Variants in ECPAS observed in about 807,000 individuals in gnomAD.
ECPAS encodes the protein proteasome adapter and scaffold protein ECM29.
A neutral mutation model predicts 255.1 loss-of-function variants in ECPAS; 70 were observed. That is an observed-to-expected ratio of 0.27 (90% confidence interval 0.23 to 0.33). The LOEUF (loss-of-function observed/expected upper bound fraction) is 0.33. ECPAS is among the 10% of genes least tolerant of loss of function. The pLI is 1.00. For missense variants in ECPAS, 1,817 were observed against 2,206.4 expected (o/e 0.82, Z 3.54); for synonymous variants, 784 against 775.0 (o/e 1.01, Z -0.19).
At chr9:111,478,723 A>C (rs1299923545) in intron 1 of ECPAS, among the ~76,000 whole-genome samples, 1 of 152,214 alleles carries the variant, frequency 6.6e-6, no homozygotes, top group East Asian at 1.9e-4. Flanking sequence ...CAGTTTTACC[A>C]GCTACACATC....
chr9:111,389,460 A>T (rs1168597459), intron 31 of ECPAS, 96 bp downstream of exon 31: 2 of 1,129,314 alleles, frequency 1.8e-6, no homozygotes, highest in Admixed American at 5.8e-5. Flanking sequence ...GTAAACATAA[A>T]AAGTAGAAAG....
chr9:111,472,130 C>G (rs1272418947), intron 2 of ECPAS, among the ~76,000 whole-genome samples: 1 of 152,024 alleles, frequency 6.6e-6, no homozygotes, highest in African/African-American at 2.4e-5. Context: ...AAAATGTAGT[C>G]CCAGCTACTA....
chr9:111,385,541 C>T (rs550374399), intron 32 of ECPAS, 99 bp from the exon 33 acceptor site: 13 of 731,966 alleles, frequency 1.8e-5, no homozygotes, highest in South Asian at 5.1e-5. Flanking sequence ...GCCTCTAATT[C>T]GAGTTCTCAT....
chr9:111,362,138 T>A lies in ECPAS; in HGVS notation c.5412A>T (p.Glu1804Asp). 1 of 1,605,688 alleles carries A rather than the reference T, an allele frequency of 6.2e-7. No individual in the cohort carries two copies. The highest frequency in any genetic ancestry group is 1.1e-5 in the South Asian group (1 of 90,148). ...AAGACTCAATTAGGAGCACTCTGCATTCAGATGTCAAACATTCCCACTGTT... is the reference window on the plus strand; with the variant it reads ...AAGACTCAATTAGGAGCACTCTGCAATCAGATGTCAAACATTCCCACTGTT... ...ESKQWECLTS[E>D]CRVLLIESLA... Residue 1804 changes from glutamate (E) to aspartate (D), a missense_variant, in exon 50 of 50, where the codon GAA (glutamate) becomes GAT (aspartate). Physicochemically the swap from Glu to Asp is conservative, Grantham distance 45. Around this residue, in one of 4 missense-constraint regions of ECPAS, gnomAD observed 960 missense variants for 1,179.0 expected, o/e 0.81. Transcript: ENST00000684092.
chr9:111,435,119 G>A (rs529811761), intron 7 of ECPAS, among the ~76,000 whole-genome samples: 29 of 151,598 alleles, frequency 1.9e-4, no homozygotes, highest in African/African-American at 7.0e-4. Context: ...GGCTGGTCTC[G>A]AACTCCTGAC....
At chr9:111,382,008 AAC>A (rs72204951) in intron 35 of ECPAS, among the ~76,000 whole-genome samples, 51,680 of 146,788 alleles carry the variant, frequency 0.35, 9,433 homozygotes, top group East Asian at 0.63. Context: ...AATTTTGTAA[AAC>A]ACACACACAC....
chr9:111,423,233 A>G lies in ECPAS; in HGVS notation c.1231T>C (p.Ser411Pro). The G allele has an allele frequency of 6.4e-7, 1 of 1,558,910 alleles. No homozygotes were observed. Among genetic ancestry groups the G allele is most frequent in the Non-Finnish European group, 8.7e-7 (1 of 1,149,646 alleles). Residue 411 changes from serine (S) to proline (P), a missense_variant, in exon 13 of 50, where the codon TCA (serine) becomes CCA (proline). Coordinates refer to ENST00000684092, the MANE Select transcript of ECPAS (RefSeq NM_001364929.1). ...TTTCCAACAGCTGAATATGCCATTG[A>G]CAGTAGTTTAGGGTCCTTGAAATTA... The part of the protein sequence containing the change: ...NEYKEDPKLL[S>P]MAYSAVGKLS...
chr9:111,460,497 A>G (rs2098271897), intron 2 of ECPAS, among the ~76,000 whole-genome samples: 1 of 152,204 alleles, frequency 6.6e-6, no homozygotes, highest in African/African-American at 2.4e-5. Flanking sequence ...CAATAAGACA[A>G]AGAAAAATAA....
chr9:111,399,510 C>A (rs540653221), intron 24 of ECPAS, among the ~76,000 whole-genome samples: 2 of 152,348 alleles, frequency 1.3e-5, no homozygotes, highest in East Asian at 1.9e-4. Flanking sequence ...AGGCAGAATT[C>A]TGCCAGTGCC....
At chr9:111,384,618 T>C in intron 33 of ECPAS, 49 bp from the exon 34 acceptor site, 1 of 1,539,186 alleles carries the variant, frequency 6.5e-7, no homozygotes, top group Non-Finnish European at 9.0e-7. Context: ...AGTTTCACTA[T>C]CATCTACTCT....
chr9:111,372,569 T>C lies in ECPAS; in HGVS notation c.4388A>G (p.Tyr1463Cys). 2 of 1,613,772 alleles carry C rather than the reference T, an allele frequency of 1.2e-6. No individual in the cohort carries two copies. Among genetic ancestry groups the C allele is most frequent in the Non-Finnish European group, 1.7e-6 (2 of 1,179,792 alleles). The change falls in exon 42 of 50, where the codon TAC becomes TGC. Residue 1463 changes from tyrosine (Y) to cysteine (C), a missense_variant. Tyr to Cys is a radical substitution (Grantham distance 194). Coordinates refer to ENST00000684092, the MANE Select transcript of ECPAS (RefSeq NM_001364929.1). ...CALTIHAIGRYSPDVLKNHAK... is the reference protein window; with the variant it reads ...CALTIHAIGRCSPDVLKNHAK... The stretch of plus-strand genomic sequence containing the variant: ...ATGATTCTTTAATACATCAGGGCTG[T>C]ATCGTCCAATAGCATGAATAGTCAA...
At chr9:111,460,075 T>A (rs2098271419) in intron 2 of ECPAS, among the ~76,000 whole-genome samples, 1 of 151,934 alleles carries the variant, frequency 6.6e-6, no homozygotes, top group Non-Finnish European at 1.5e-5. Context: ...ATAAAATAAG[T>A]AAAAAATATG....
rs2098116934 is a variant in ECPAS at position 111,363,777 on chromosome 9, CT to C, written c.5309-119del. The C allele has an allele frequency of 4.3e-4, 259 of 604,640 alleles. 5 individuals are homozygous for C. The South Asian group carries it at 4.9e-3, about 12-fold the overall frequency. 37.5% of individuals were successfully genotyped at this position (604,640 alleles called of 1,614,324 possible). A position where few individuals can be genotyped will look rare whatever the true frequency, so the allele number is the denominator to read the frequency against. ...ATTACAACTCTAGGGAAGGGTATAT[CT>C]GATTTTTTTTTTTTAAAGGAAGCTT... On this transcript the variant is annotated intron_variant, in intron 48 of 49. Coordinates refer to ENST00000684092, the MANE Select transcript of ECPAS (RefSeq NM_001364929.1).
intron 8 of ECPAS, among the ~76,000 whole-genome samples, chr9:111,432,470 C>A (rs2098231468): frequency 6.6e-6 from 1 of 152,116 alleles, no homozygotes; most frequent in East Asian, 1.9e-4. Context: ...AAAAATTAGG[C>A]AGGCATGGTG....
intron 9 of ECPAS, among the ~76,000 whole-genome samples, chr9:111,428,550 T>A (rs2098225053): frequency 6.6e-6 from 1 of 152,194 alleles, no homozygotes; most frequent in African/African-American, 2.4e-5. Flanking sequence ...AATTTTTATA[T>A]ATTCTTCTGT....
chr9:111,365,215 A>G (rs1484067959), intron 48 of ECPAS, among the ~76,000 whole-genome samples: 4 of 152,084 alleles, frequency 2.6e-5, no homozygotes, highest in Non-Finnish European at 5.9e-5. Flanking sequence ...AGTTGCAGTG[A>G]GCCAAGATCA....
At chr9:111,370,682 C>A in intron 44 of ECPAS, 40 bp downstream of exon 44, 5 of 1,605,452 alleles carry the variant, frequency 3.1e-6, no homozygotes, top group Non-Finnish European at 3.4e-6. Flanking sequence ...GTTTTCGGGT[C>A]CAGTTTAAGA....
At chr9:111,377,846 TAA>T (rs1564501936) in intron 36 of ECPAS, among the ~76,000 whole-genome samples, 1 of 152,310 alleles carries the variant, frequency 6.6e-6, no homozygotes, top group Non-Finnish European at 1.5e-5. Flanking sequence ...TCTGAAGTTT[TAA>T]AAAATGACTC....
chr9:111,384,180 T>C (rs2098144207), intron 34 of ECPAS, among the ~76,000 whole-genome samples: 1 of 152,160 alleles, frequency 6.6e-6, no homozygotes, highest in South Asian at 2.1e-4. Context: ...TTCAAAAAGC[T>C]TTCCAACCTC....
Sources: gnomAD v4.1 joint callset for allele counts (sites outside exome capture counted in the v4.1 genomes callset) on GRCh38, gnomAD v4.1.1 for gene constraint, gnomAD v4.1.1 regional missense constraint, MANE v1.5 for transcripts, NCBI Gene and HGNC (gene_info 2026-07-23, HGNC 2026-07-21) for gene names.